The following EPB41L2 variants were observed in gnomAD, a reference collection of about 807,000 sequenced individuals.
EPB41L2 encodes the protein erythrocyte membrane protein band 4.1 like 2, also known as band 4.1-like protein 2.
In EPB41L2, 43 loss-of-function variants were observed where a neutral mutation model predicts 113.0. The ratio of observed to expected loss-of-function variants is 0.38; its 90% CI spans 0.30 to 0.49. EPB41L2 has a LOEUF of 0.49. EPB41L2 is among the 20% of genes least tolerant of loss of function. The pLI is 0.95. For synonymous variants in EPB41L2, 442 were observed against 436.7 expected, an observed-to-expected ratio of 1.01 and a Z score of -0.15; for missense variants, 1,147 against 1,223.4, an observed-to-expected ratio of 0.94 and a Z score of 0.93.
At chr6:130,993,591 T>C (rs1223523914) in intron 1 of EPB41L2, among the ~76,000 whole-genome samples, 1 of 152,154 alleles carries the variant, frequency 6.6e-6, no homozygotes, top group African/African-American at 2.4e-5. Flanking sequence ...AACTGCTAGG[T>C]AGTACCCAGA....
chr6:130,882,082 C>A (rs527773921), intron 12 of EPB41L2: 1 of 152,250 alleles, frequency 6.6e-6, no homozygotes, highest in South Asian at 2.1e-4. Flanking sequence ...ACATCAGGAA[C>A]AGTTATGTCC....
At chr6:131,053,241 T>TAA (rs139130581) in intron 1 of EPB41L2, among the ~76,000 whole-genome samples, 15 of 148,588 alleles carry the variant, frequency 1.0e-4, no homozygotes, top group African/African-American at 2.2e-4. Flanking sequence ...TCTGAAACTT[T>TAA]AAAAAAAAAA....
intron 6 of EPB41L2, among the ~76,000 whole-genome samples, chr6:130,903,586 C>T (rs1353650294): frequency 6.6e-6 from 1 of 152,092 alleles, no homozygotes; most frequent in East Asian, 1.9e-4. Context: ...TGCTAAGCCC[C>T]TCTAGTTTTC....
intron 1 of EPB41L2, among the ~76,000 whole-genome samples, chr6:130,981,870 A>T (rs1212956737): frequency 6.6e-6 from 1 of 152,154 alleles, no homozygotes; most frequent in Non-Finnish European, 1.5e-5. Flanking sequence ...CAAAATCCCT[A>T]ACTGAACCAA....
intron 1 of EPB41L2, among the ~76,000 whole-genome samples, chr6:131,019,036 C>T (rs1312003391): frequency 6.6e-6 from 1 of 152,158 alleles, no homozygotes; most frequent in African/African-American, 2.4e-5. Context: ...TTAGGACTGG[C>T]TGACCCATAA....
At chr6:130,987,004 T>G (rs1008915714) in intron 1 of EPB41L2, among the ~76,000 whole-genome samples, 25 of 152,326 alleles carry the variant, frequency 1.6e-4, no homozygotes, top group African/African-American at 5.3e-4. Context: ...CTTTTGTGTC[T>G]GGTTTCTTTC....
chr6:130,999,196 C>T (rs1489347712), intron 1 of EPB41L2, among the ~76,000 whole-genome samples: 2 of 152,144 alleles, frequency 1.3e-5, no homozygotes, highest in Non-Finnish European at 2.9e-5. Flanking sequence ...TCCCCTACCC[C>T]TCTTTCAGAG....
chr6:130,930,631 G>C (rs1413869884), intron 3 of EPB41L2, among the ~76,000 whole-genome samples: 1 of 152,006 alleles, frequency 6.6e-6, no homozygotes, highest in East Asian at 1.9e-4. Flanking sequence ...AGTTTAAACT[G>C]GTCCAAGATT....
At chr6:130,905,533 C>T (rs549895906) in intron 5 of EPB41L2, among the ~76,000 whole-genome samples, 93 of 152,014 alleles carry the variant, frequency 6.1e-4, no homozygotes, top group African/African-American at 2.2e-3. Context: ...ATCCTCCCAT[C>T]CTAGCCTCCC....
At chr6:130,936,025 C>A (rs1351185581) in intron 3 of EPB41L2, among the ~76,000 whole-genome samples, 2 of 152,090 alleles carry the variant, frequency 1.3e-5, no homozygotes, top group African/African-American at 2.4e-5. Flanking sequence ...AAATTTTATA[C>A]AAAAAAAGTT....
At chr6:130,961,466 G>C (rs947955685) in intron 1 of EPB41L2, among the ~76,000 whole-genome samples, 1 of 152,134 alleles carries the variant, frequency 6.6e-6, no homozygotes, top group African/African-American at 2.4e-5. Flanking sequence ...TTTAAAAAAG[G>C]AGGTAAATTC....
chr6:130,934,121 T>C (rs1232498041), intron 3 of EPB41L2, among the ~76,000 whole-genome samples: 2 of 152,118 alleles, frequency 1.3e-5, no homozygotes, highest in Non-Finnish European at 2.9e-5. Flanking sequence ...GGGAATCCAA[T>C]AAAACCATAC....
chr6:130,917,544 C>A (rs1055827865), intron 4 of EPB41L2, among the ~76,000 whole-genome samples: 7 of 152,022 alleles, frequency 4.6e-5, no homozygotes, highest in African/African-American at 1.7e-4. Flanking sequence ...CTAAGTGCAC[C>A]CCTGATGTTT....
intron 19 of EPB41L2, among the ~76,000 whole-genome samples, chr6:130,851,243 T>A (rs1778693801): frequency 6.6e-6 from 1 of 152,184 alleles, no homozygotes; most frequent in South Asian, 2.1e-4. Flanking sequence ...TAGCTAGAGC[T>A]CAGTTCAGCC....
intron 5 of EPB41L2, among the ~76,000 whole-genome samples, chr6:130,907,697 G>A (rs555400723): frequency 2.0e-5 from 3 of 152,070 alleles, no homozygotes; most frequent in Admixed American, 6.5e-5. Flanking sequence ...AGAAATGACA[G>A]GAAGACTACC....
intron 1 of EPB41L2, among the ~76,000 whole-genome samples, chr6:131,044,404 C>A (rs906396193): frequency 1.3e-5 from 2 of 152,070 alleles, no homozygotes; most frequent in Non-Finnish European, 2.9e-5. Flanking sequence ...AGTTAGCATA[C>A]AAAATTCTTA....
Position 131,000,324 on chromosome 6 carries a change from C to T in EPB41L2, c.-14-43825G>A, listed in dbSNP as rs117669694. Among the ~76,000 whole-genome samples, 904 of 152,254 alleles carry T rather than the reference C, an allele frequency of 5.9e-3. 3 individuals are homozygous for T. Among genetic ancestry groups the T allele is most frequent in the Middle Eastern group, 0.014 (4 of 294 alleles). On this transcript the variant is annotated intron_variant, in intron 1 of 19. Transcript: ENST00000337057. ...AGCGAAGGGTGCCTATCCAGGAAAG[C>T]TCACAACTGAGGCATAAAACAAGAA... is the stretch of plus-strand genomic sequence containing the variant.
At chr6:130,968,366 T>C (rs1374983366) in intron 1 of EPB41L2, among the ~76,000 whole-genome samples, 4 of 152,312 alleles carry the variant, frequency 2.6e-5, no homozygotes, top group Non-Finnish European at 4.4e-5. Flanking sequence ...CTCTTCTCTA[T>C]AAGCTTTGGA....
chr6:130,994,129 C>G (rs1252862483), intron 1 of EPB41L2, among the ~76,000 whole-genome samples: 2 of 152,274 alleles, frequency 1.3e-5, no homozygotes, highest in East Asian at 3.9e-4. Context: ...GAGTCTACCA[C>G]TCCAGCAAAA....
Sources: gnomAD v4.1 joint callset for allele counts (sites outside exome capture counted in the v4.1 genomes callset) on GRCh38, gnomAD v4.1.1 for gene constraint, MANE v1.5 for transcripts, NCBI Gene and HGNC (gene_info 2026-07-23, HGNC 2026-07-21) for gene names.